Variants in SPINT1 observed in about 807,000 individuals in gnomAD.
SPINT1 encodes the protein serine peptidase inhibitor, Kunitz type 1, also known as kunitz-type protease inhibitor 1.
SPINT1 carries 38 observed loss-of-function variants against 53.7 expected under a neutral mutation model. The observed-to-expected ratio is 0.71, with a 90% CI of 0.55 to 0.93. The LOEUF (loss-of-function observed/expected upper bound fraction) is 0.93. Ranked by LOEUF, SPINT1 falls within the 40% of genes least tolerant of loss-of-function variation. The pLI, the probability that SPINT1 is intolerant of heterozygous loss-of-function variation, is 0.00. For synonymous variants in SPINT1, 283 were observed against 280.6 expected (o/e 1.01, Z -0.08); for missense variants, 645 against 692.9 (o/e 0.93, Z 0.78).
At position 40,856,954 on chromosome 15, in the gene SPINT1, C is replaced by T; in HGVS notation, c.1521C>T (p.Asn507=). 1 of 1,614,054 alleles carries T rather than the reference C, an allele frequency of 6.2e-7. No individual in the cohort carries two copies. Among genetic ancestry groups the T allele is most frequent in the Non-Finnish European group, 8.5e-7 (1 of 1,179,934 alleles). The change falls in exon 11 of 11, where the codon AAC becomes AAT. Residue 507 remains asparagine (N), a synonymous_variant. Coordinates refer to ENST00000562057, the MANE Select transcript of SPINT1 (RefSeq NM_003710.4). ...TTEDTEHLVY[N]HTTRPL is the part of the protein sequence containing the mutation. Reference sequence around the variant, plus strand: ...AGGACACGGAGCACCTGGTCTATAACCACACCACGCGGCCCCTCTGAGCCT... The same window carrying T: ...AGGACACGGAGCACCTGGTCTATAATCACACCACGCGGCCCCTCTGAGCCT...
rs745480373 is a variant in SPINT1, at chr15:40,844,679, C to A, written c.125C>A (p.Pro42His). The A allele has an allele frequency of 2.5e-6, 4 of 1,606,394 alleles. No homozygotes were observed. The highest frequency in any genetic ancestry group is 3.4e-6 in the Non-Finnish European group (4 of 1,176,640). Residue 42 changes from proline to histidine, a missense_variant, in exon 2 of 11, where the codon CCT becomes CAT. Physicochemically the swap from Pro to His is moderately conservative, Grantham distance 77. Transcript: ENST00000562057. This position sits in a 1 kb window ranked among gnomAD's most constrained non-coding sequence, Gnocchi z 5.8. ...CAGGCCGGGCCACCGCCCGCGCCCC[C>A]TGGGCTGCCCGCGGGAGCCGACTGC... The part of the protein sequence containing the change: ...GTQAGPPPAP[P>H]GLPAGADCLN...
rs1176576094 is a variant in SPINT1, at chr15:40,845,318, A to T, written c.475+289A>T. ...AGGCACCCGCTACCAGACCCGGCTA[A>T]TTTTTTTTTTTTTTTTTTTTTTTTT... On this transcript the variant is annotated intron_variant, in intron 2 of 10. Transcript: ENST00000562057. 3.3e-3 allele frequency among the ~76,000 whole-genome samples: 190 copies of T among 58,186 alleles called. 2 individuals carry two copies. Among genetic ancestry groups the T allele is most frequent in the African/African-American group, 0.012 (170 of 13,686 alleles). The allele number at this position is 58,186 out of a possible 152,430, so 38.2% of individuals were successfully genotyped here.
intron 2 of SPINT1, among the ~76,000 whole-genome samples, chr15:40,848,860 T>C (rs1653338087): frequency 6.6e-6 from 1 of 152,122 alleles, no homozygotes. Flanking sequence ...ATAAACCTGA[T>C]GGAGAAGGTT....
intron 2 of SPINT1, among the ~76,000 whole-genome samples, chr15:40,850,114 C>T (rs980032951): frequency 3.3e-5 from 5 of 152,108 alleles, no homozygotes; most frequent in Non-Finnish European, 5.9e-5. Flanking sequence ...CTCTTGTTGT[C>T]CAGGCTGGAG....
chr15:40,853,086 G>C, intron 2 of SPINT1, 38 bp from the exon 3 acceptor site: 2 of 1,604,128 alleles, frequency 1.2e-6, no homozygotes, highest in Non-Finnish European at 1.7e-6. Flanking sequence ...GGTCCATCTA[G>C]TGAGAATTGA....
chr15:40,855,849 A>G (rs1891617294), intron 8 of SPINT1, 43 bp from the exon 9 acceptor site: 3 of 1,576,880 alleles, frequency 1.9e-6, no homozygotes, highest in Non-Finnish European at 1.7e-6. Context: ...GGTGGCAGGG[A>G]GGCCATGGAC....
chr15:40,855,026 T>C (rs888737329), intron 8 of SPINT1, among the ~76,000 whole-genome samples: 3 of 152,174 alleles, frequency 2.0e-5, no homozygotes, highest in Non-Finnish European at 4.4e-5. Context: ...CTACCATAAA[T>C]GGGAAGCCAC....
In SPINT1 at chr15:40,856,053, G is replaced by A. The variant is rs116845898; in HGVS notation, c.1279G>A (p.Gly427Ser). 2,512 of 1,613,946 alleles carry A rather than the reference G, an allele frequency of 1.6e-3. 17 individuals carry two copies. In the East Asian group the frequency reaches 0.018, roughly 12 times the overall value. ...GCAGCAGTGCCTCGAGTCTTGTCGCGGCATCTCCAGTGAGTGGGCCAGTGA... is the reference window on the plus strand; with the variant it reads ...GCAGCAGTGCCTCGAGTCTTGTCGCAGCATCTCCAGTGAGTGGGCCAGTGA... ...EEQQCLESCR[G>S]ISKKDVFGLR... is the part of the protein sequence containing the mutation. Residue 427 changes from glycine (G) to serine (S), a missense_variant, in exon 9 of 11, where the codon GGC (glycine) becomes AGC (serine). Coordinates refer to ENST00000562057, the MANE Select transcript of SPINT1 (RefSeq NM_003710.4).
At position 40,844,139 on chromosome 15, in the gene SPINT1, G is replaced by A. The variant is rs754937693; in HGVS notation, c.-113G>A. 3 of 441,480 alleles carry A rather than the reference G, an allele frequency of 6.8e-6. No homozygotes were observed. Among genetic ancestry groups the A allele is most frequent in the South Asian group, 3.2e-5 (2 of 62,306 alleles). 27.3% of individuals were successfully genotyped at this position (441,480 alleles called of 1,614,324 possible). A position where few individuals can be genotyped will look rare whatever the true frequency, so the allele number is the denominator to read the frequency against. ...CGCGACCCGAGCCGCGCAGGAAGCTGGGACCGGAACCTCGGCGGACCCGGC... is the reference window on the plus strand; with the variant it reads ...CGCGACCCGAGCCGCGCAGGAAGCTAGGACCGGAACCTCGGCGGACCCGGC... On this transcript the variant is annotated 5_prime_UTR_variant, in exon 1 of 11. Transcript: ENST00000562057. The surrounding 1 kb of genome is among the most constrained non-coding windows in gnomAD (Gnocchi z 5.8).
At chr15:40,855,193 C>A (rs989385557) in intron 8 of SPINT1, among the ~76,000 whole-genome samples, 42 of 151,522 alleles carry the variant, frequency 2.8e-4, no homozygotes, top group African/African-American at 9.7e-4. Context: ...CCAGCGTGGG[C>A]AATATGGCAA....
rs751749451 is a variant in SPINT1, at chr15:40,856,886, C to A, written c.1453C>A (p.His485Asn). ...QRKDFHGHHH[H>N]PPPTPASSTV... Reference sequence around the variant, plus strand: ...AAAGGACTTCCACGGACACCACCACCACCCACCACCCACCCCTGCCAGCTC... The same window carrying A: ...AAAGGACTTCCACGGACACCACCACAACCCACCACCCACCCCTGCCAGCTC... The change falls in exon 11 of 11, where the codon CAC (histidine) becomes AAC (asparagine). Residue 485 changes from histidine (H) to asparagine (N), a missense_variant. Transcript: ENST00000562057. 6.2e-7 allele frequency: 1 copy of A among 1,614,180 alleles called. No individual in the cohort carries two copies. The highest frequency in any genetic ancestry group is 8.5e-7 in the Non-Finnish European group (1 of 1,180,036).
Position 40,855,894 on chromosome 15 carries a change from C to T in SPINT1, c.1120C>T (p.His374Tyr), listed in dbSNP as rs139286505. ...QRIHFPSDKG[H>Y]CVDLPDTGLC... ...ATAGCCTACCCCATACCCCCCAGGG[C>T]ACTGCGTGGACCTGCCAGACACAGG... is the stretch of plus-strand genomic sequence containing the variant. Residue 374 changes from histidine to tyrosine, a missense_variant and splice_region_variant, in exon 9 of 11, where the codon CAC becomes TAC. Physicochemically the swap from His to Tyr is moderately conservative, Grantham distance 83 (BLOSUM62 2). Transcript: ENST00000562057. 8.0e-4 allele frequency: 1,283 copies of T among 1,613,694 alleles called. 1 individual carries two copies. The highest frequency in any genetic ancestry group is 4.1e-3 in the Middle Eastern group (25 of 6,062).
chr15:40,851,657 C>G (rs1021770678), intron 2 of SPINT1, among the ~76,000 whole-genome samples: 5 of 152,216 alleles, frequency 3.3e-5, no homozygotes, highest in African/African-American at 1.2e-4. Flanking sequence ...CCCAACTGGA[C>G]TAATCCTCTG....
chr15:40,851,725 C>T (rs1434511753), intron 2 of SPINT1, among the ~76,000 whole-genome samples: 1 of 152,034 alleles, frequency 6.6e-6, no homozygotes, highest in Non-Finnish European at 1.5e-5. Context: ...AACTGGTTGG[C>T]TTAAAACAAA....
intron 8 of SPINT1, among the ~76,000 whole-genome samples, chr15:40,855,476 C>T (rs989413116): frequency 6.6e-6 from 1 of 152,108 alleles, no homozygotes; most frequent in Non-Finnish European, 1.5e-5. Context: ...GGTAAACCAG[C>T]CAGGCGTGGT....
At chr15:40,853,060 C>G in intron 2 of SPINT1, 64 bp from the exon 3 acceptor site, 1 of 1,566,632 alleles carries the variant, frequency 6.4e-7, no homozygotes, top group Non-Finnish European at 8.7e-7. Context: ...CCCCACTTTG[C>G]TCCTGAGAGA....
rs928178668 is a variant in SPINT1, at chr15:40,846,224, G to A, written c.475+1195G>A. Among the ~76,000 whole-genome samples the A allele has an allele frequency of 8.5e-5, 13 of 152,242 alleles. No homozygotes were observed. The East Asian group carries it at 1.4e-3, about 16-fold the overall frequency. On this transcript the variant is annotated intron_variant, in intron 2 of 10. Coordinates refer to ENST00000562057, the MANE Select transcript of SPINT1 (RefSeq NM_003710.4). Reference sequence around the variant, plus strand: ...CCAGGGCTCCTCCTCTTTCTTCCCCGGACTGAACTGTCTGCTGGGATCAGG... The same window carrying A: ...CCAGGGCTCCTCCTCTTTCTTCCCCAGACTGAACTGTCTGCTGGGATCAGG...
rs1338277399 is a variant in SPINT1 at position 40,844,241 on chromosome 15, T to C, written c.-66+55T>C. On this transcript the variant is annotated intron_variant, in intron 1 of 10. Coordinates refer to ENST00000562057, the MANE Select transcript of SPINT1 (RefSeq NM_003710.4). This position sits in a 1 kb window ranked among gnomAD's most constrained non-coding sequence, Gnocchi z 5.8. ...GGCGCAGGCGGAGCGGGCTGGAGCA[T>C]GTCCGGCCCTTTGTTCTGCGCTCGT... is the stretch of plus-strand genomic sequence containing the variant. 3.6e-5 allele frequency: 17 copies of C among 469,282 alleles called. No homozygotes were observed. Among genetic ancestry groups the C allele is most frequent in the Non-Finnish European group, 5.8e-5 (15 of 257,294 alleles). The allele number at this position is 469,282 out of a possible 1,614,324, so 29.1% of individuals were successfully genotyped here.
intron 2 of SPINT1, among the ~76,000 whole-genome samples, chr15:40,851,431 G>A (rs990303067): frequency 1.3e-5 from 2 of 152,058 alleles, no homozygotes; most frequent in Non-Finnish European, 2.9e-5. Context: ...GATTATAGGC[G>A]TGAGCCACCG....
Sources: allele counts gnomAD v4.1 joint callset (sites outside exome capture counted in the v4.1 genomes callset), GRCh38; gene constraint gnomAD v4.1.1; non-coding constraint Gnocchi (gnomAD v3.1); transcripts MANE v1.5; gene names NCBI Gene and HGNC (gene_info 2026-07-23, HGNC 2026-07-21).